Variants in KLHL1 observed in about 807,000 individuals in gnomAD.
KLHL1 encodes kelch-like protein 1.
Under a neutral mutation model 77.7 loss-of-function variants are expected in KLHL1, and 47 were observed. That is an observed-to-expected ratio of 0.60 (90% confidence interval 0.48 to 0.77). The LOEUF (loss-of-function observed/expected upper bound fraction) is 0.77, where lower values mean the gene tolerates loss of function less well. Among genes scored for constraint, KLHL1 ranks in the 30% least tolerant of loss-of-function variants. KLHL1 has a pLI of 0.00. For synonymous variants in KLHL1, 360 were observed against 325.2 expected, an observed-to-expected ratio of 1.11 and a Z score of -1.15; for missense variants, 925 against 910.8, an observed-to-expected ratio of 1.02 and a Z score of -0.20.
intron 4 of KLHL1, among the ~76,000 whole-genome samples, chr13:69,933,857 G>A (rs1883085471): frequency 6.6e-6 from 1 of 151,752 alleles, no homozygotes; most frequent in Admixed American, 6.6e-5. Flanking sequence ...TTCTCTTTCA[G>A]GTTCATAATA....
At chr13:69,871,942 T>G (rs1247091230) in intron 5 of KLHL1, among the ~76,000 whole-genome samples, 1 of 152,146 alleles carries the variant, frequency 6.6e-6, no homozygotes, top group Admixed American at 6.6e-5. Context: ...TTCCAATCTT[T>G]GCCCGTTACC....
At chr13:69,911,197 A>G (rs1287526903) in intron 4 of KLHL1, among the ~76,000 whole-genome samples, 1 of 152,038 alleles carries the variant, frequency 6.6e-6, no homozygotes, top group Non-Finnish European at 1.5e-5. Flanking sequence ...TTTTTATAAT[A>G]GCTAACAATG....
intron 1 of KLHL1, among the ~76,000 whole-genome samples, chr13:70,011,136 C>A (rs529468079): frequency 2.6e-5 from 4 of 152,080 alleles, no homozygotes; most frequent in African/African-American, 7.2e-5. Flanking sequence ...TGTCCAAGAA[C>A]AAAGTCCAGA....
chr13:69,762,759 A>G (rs1593806327), intron 7 of KLHL1, among the ~76,000 whole-genome samples: 1 of 150,504 alleles, frequency 6.6e-6, no homozygotes, highest in African/African-American at 2.5e-5. Context: ...TCTTACCTCA[A>G]TTTTTTCTTA....
intron 1 of KLHL1, among the ~76,000 whole-genome samples, chr13:70,070,735 T>C (rs1887118964): frequency 2.0e-5 from 3 of 152,102 alleles, no homozygotes. Context: ...ACTGTATTTG[T>C]TGGTTCTAGC....
intron 5 of KLHL1, among the ~76,000 whole-genome samples, chr13:69,863,847 T>G: frequency 6.6e-6 from 1 of 152,098 alleles, no homozygotes; most frequent in East Asian, 1.9e-4. Flanking sequence ...TCTTTCTCAC[T>G]AATATTTTAA....
At chr13:69,810,526 G>A (rs1462681283) in intron 6 of KLHL1, among the ~76,000 whole-genome samples, 7 of 151,706 alleles carry the variant, frequency 4.6e-5, no homozygotes, top group East Asian at 1.9e-4. Flanking sequence ...TCTGAGGTGC[G>A]GCAAAAGCAA....
chr13:69,988,087 T>A (rs539173461), intron 1 of KLHL1, among the ~76,000 whole-genome samples: 1 of 151,742 alleles, frequency 6.6e-6, no homozygotes, highest in South Asian at 2.1e-4. Flanking sequence ...ATAGCTTTTT[T>A]TTGGCGGGGG....
intron 3 of KLHL1, among the ~76,000 whole-genome samples, chr13:69,945,505 A>G (rs1025203020): frequency 6.6e-6 from 1 of 151,922 alleles, no homozygotes; most frequent in African/African-American, 2.4e-5. Context: ...AAAGGAATAA[A>G]AAGATGAACC....
intron 1 of KLHL1, among the ~76,000 whole-genome samples, chr13:70,098,187 C>T (rs1266713196): frequency 7.2e-5 from 11 of 151,732 alleles, no homozygotes; most frequent in Non-Finnish European, 3.0e-5. Context: ...TTTTCAGATA[C>T]TCTTCTATGA....
chr13:70,063,619 T>G (rs1242612343), intron 1 of KLHL1, among the ~76,000 whole-genome samples: 1 of 152,072 alleles, frequency 6.6e-6, no homozygotes, highest in Admixed American at 6.5e-5. Flanking sequence ...GATTGCAAAA[T>G]TTCTGATTTT....
rs543191851 is a variant in KLHL1 at position 69,753,394 on chromosome 13, G to A, written c.1640-12838C>T. Among the ~76,000 whole-genome samples the A allele has an allele frequency of 2.8e-3, 433 of 152,240 alleles. 4 individuals carry two copies. The highest frequency in any genetic ancestry group is 9.9e-3 in the African/African-American group (413 of 41,556). On this transcript the variant is annotated intron_variant, in intron 7 of 10. Coordinates refer to ENST00000377844, the MANE Select transcript of KLHL1 (RefSeq NM_020866.3). ...CATCATTAGAACTGAACTTTCATTC[G>A]TTTAACCTGGCTCCAGCCTTTAGGA...
At chr13:69,813,483 C>CACACACAA (rs1555270597) in intron 6 of KLHL1, among the ~76,000 whole-genome samples, 1 of 145,380 alleles carries the variant, frequency 6.9e-6, no homozygotes, top group South Asian at 2.2e-4. Context: ...CACACACATA[C>CACACACAA]ACACACACAC....
intron 1 of KLHL1, among the ~76,000 whole-genome samples, chr13:70,085,079 T>C (rs941733216): frequency 6.6e-6 from 1 of 152,200 alleles, no homozygotes; most frequent in East Asian, 1.9e-4. Flanking sequence ...TGACCATAAA[T>C]ATGGTGTATA....
chr13:69,736,357 C>T (rs1309090509), intron 8 of KLHL1, among the ~76,000 whole-genome samples: 1 of 151,994 alleles, frequency 6.6e-6, no homozygotes, highest in African/African-American at 2.4e-5. Flanking sequence ...CTTACTCTTG[C>T]AAGAATGGTC....
chr13:69,714,038 T>C (rs1418161472), intron 9 of KLHL1, among the ~76,000 whole-genome samples: 2 of 152,178 alleles, frequency 1.3e-5, no homozygotes, highest in Non-Finnish European at 2.9e-5. Flanking sequence ...TCTTTTTTGA[T>C]ATACTTATTG....
At chr13:69,973,116 A>C (rs1455743646) in intron 2 of KLHL1, among the ~76,000 whole-genome samples, 1 of 151,956 alleles carries the variant, frequency 6.6e-6, no homozygotes, top group East Asian at 1.9e-4. Flanking sequence ...GTTATCTGAA[A>C]TATTATTAGC....
intron 5 of KLHL1, among the ~76,000 whole-genome samples, chr13:69,879,154 T>C (rs1321605950): frequency 6.6e-6 from 1 of 152,124 alleles, no homozygotes; most frequent in African/African-American, 2.4e-5. Context: ...TGTATACATA[T>C]GTAACAAACC....
intron 7 of KLHL1, among the ~76,000 whole-genome samples, chr13:69,777,378 C>T (rs1026231663): frequency 2.0e-5 from 3 of 151,970 alleles, no homozygotes; most frequent in Non-Finnish European, 4.4e-5. Context: ...GAAATTATCC[C>T]AAATTAATAT....
Sources: allele counts gnomAD v4.1 joint callset (sites outside exome capture counted in the v4.1 genomes callset), GRCh38; gene constraint gnomAD v4.1.1; transcripts MANE v1.5; gene names NCBI Gene and HGNC (gene_info 2026-07-23, HGNC 2026-07-21).